Variants in TMEM178B observed in about 807,000 individuals in gnomAD.
The protein encoded by TMEM178B is transmembrane protein 178B.
In TMEM178B, 5 loss-of-function variants were observed where a neutral mutation model predicts 31.0. The ratio of observed to expected loss-of-function variants is 0.16; its 90% CI spans 0.08 to 0.34. The LOEUF is 0.34. TMEM178B is among the 10% of genes least tolerant of loss of function. The pLI is 1.00. For synonymous variants in TMEM178B, 164 were observed against 164.0 expected (o/e 1.00, Z 0.00); for missense variants, 275 against 400.3 (o/e 0.69, Z 2.67).
At chr7:141,342,406 G>T (rs762876131) in intron 2 of TMEM178B, among the ~76,000 whole-genome samples, 25 of 152,200 alleles carry the variant, frequency 1.6e-4, no homozygotes, top group Non-Finnish European at 3.4e-4. Flanking sequence ...TGTTAAAAAT[G>T]CATATTCAAA....
the TMEM178B span, among the ~76,000 whole-genome samples, chr7:141,508,978 G>A: frequency 6.6e-6 from 1 of 152,334 alleles, no homozygotes; most frequent in African/African-American, 2.4e-5. Flanking sequence ...TTAAGCTCGT[G>A]AGGTATTTTG....
At chr7:141,142,257 C>T (rs192076381) in intron 1 of TMEM178B, among the ~76,000 whole-genome samples, 102 of 136,470 alleles carry the variant, frequency 7.5e-4, no homozygotes, top group African/African-American at 3.0e-3. Context: ...CATAGTATTC[C>T]GTGGCATATA....
Position 141,320,750 on chromosome 7 carries a change from T to C in TMEM178B, c.496+108046T>C, listed in dbSNP as rs118160104. 2.7e-3 allele frequency among the ~76,000 whole-genome samples: 414 copies of C among 152,324 alleles called. 2 individuals are homozygous for C. Among genetic ancestry groups the C allele is most frequent in the Non-Finnish European group, 4.8e-3 (327 of 68,022 alleles). Reference sequence around the variant, plus strand: ...CCAAAAAATCCTATGATAGAGGTATTATCTGTAAAATGTCCCCATTTTACA... The same window carrying C: ...CCAAAAAATCCTATGATAGAGGTATCATCTGTAAAATGTCCCCATTTTACA... On this transcript the variant is annotated intron_variant, in intron 2 of 3. Transcript: ENST00000565468.
rs539947020 is a variant in TMEM178B, at chr7:141,288,467, C to A, written c.496+75763C>A. 6.3e-3 allele frequency among the ~76,000 whole-genome samples: 938 copies of A among 148,550 alleles called. 12 individuals carry two copies. Among genetic ancestry groups the A allele is most frequent in the African/African-American group, 0.023 (900 of 39,958 alleles). ...ACCTACAAAGATAAGCAGAGCATCC[C>A]TGTCCGGAAAAAAATGAAAAAAAAA... On this transcript the variant is annotated intron_variant, in intron 2 of 3. Coordinates refer to ENST00000565468, the MANE Select transcript of TMEM178B (RefSeq NM_001195278.2).
chr7:141,253,672 T>C, intron 2 of TMEM178B, among the ~76,000 whole-genome samples: 1 of 147,574 alleles, frequency 6.8e-6, no homozygotes, highest in East Asian at 2.1e-4. Context: ...TGTTTCAGCC[T>C]CCTAAGTAGC....
In TMEM178B at chr7:141,472,248, T is replaced by TATGATATTGTGTA. The variant is rs1802258078; in HGVS notation, c.*1464_*1476dup. The TATGATATTGTGTA allele has an allele frequency of 1.3e-5, 2 of 152,174 alleles. No individual in the cohort carries two copies. The highest frequency in any genetic ancestry group is 4.8e-5 in the African/African-American group (2 of 41,436). The allele number at this position is 152,174 out of a possible 1,614,324, so 9.4% of individuals were successfully genotyped here. A position where few individuals can be genotyped will look rare whatever the true frequency, so the allele number is the denominator to read the frequency against. Reference sequence around the variant, plus strand: ...TCCATTTCCCATGGGCTCAAGTTTGTATGATATTGTGTAAATTAATGCAGA... The same window carrying TATGATATTGTGTA: ...TCCATTTCCCATGGGCTCAAGTTTGTATGATATTGTGTAATGATATTGTGTAAATTAATGCAGA... On this transcript the variant is annotated 3_prime_UTR_variant, in exon 4 of 4. Coordinates refer to ENST00000565468, the MANE Select transcript of TMEM178B (RefSeq NM_001195278.2).
rs570732939 is a variant in TMEM178B, at chr7:141,254,169, AC to A, written c.496+41467del. Among the ~76,000 whole-genome samples, 17 of 152,328 alleles carry A rather than the reference AC, an allele frequency of 1.1e-4. No homozygotes were observed. In the South Asian group the frequency reaches 3.3e-3, roughly 30 times the overall value. On this transcript the variant is annotated intron_variant, in intron 2 of 3. Coordinates refer to ENST00000565468, the MANE Select transcript of TMEM178B (RefSeq NM_001195278.2). ...TGCTTTGTTTCCTAAGTGAGAAATAACCAGTTTCTCTCTTGTTTGATTGGCA... is the reference window on the plus strand; with the variant it reads ...TGCTTTGTTTCCTAAGTGAGAAATAACAGTTTCTCTCTTGTTTGATTGGCA...
At chr7:141,242,819 A>G (rs2129193797) in intron 2 of TMEM178B, among the ~76,000 whole-genome samples, 1 of 152,212 alleles carries the variant, frequency 6.6e-6, no homozygotes, top group Admixed American at 6.5e-5. Context: ...CGGGGGTTAC[A>G]GGCATGAGCC....
intron 2 of TMEM178B, among the ~76,000 whole-genome samples, chr7:141,240,159 T>C (rs574839215): frequency 6.6e-6 from 1 of 152,302 alleles, no homozygotes; most frequent in South Asian, 2.1e-4. Context: ...AGTAGCCATG[T>C]GTGGGTAGTG....
chr7:141,377,676 A>T (rs924968867), intron 2 of TMEM178B, among the ~76,000 whole-genome samples: 7 of 152,170 alleles, frequency 4.6e-5, no homozygotes, highest in African/African-American at 1.7e-4. Context: ...CCATCTTAAA[A>T]AAAGAAAAAA....
In TMEM178B at chr7:141,438,696, T is replaced by TAAAAAAAAA. The variant is rs869132131; in HGVS notation, c.634+973_634+981dup. Among the ~76,000 whole-genome samples the TAAAAAAAAA allele has an allele frequency of 5.9e-4, 17 of 29,002 alleles. 4 individuals carry two copies. The highest frequency in any genetic ancestry group is 9.0e-4 in the East Asian group (1 of 1,112). 19.0% of individuals were successfully genotyped at this position (29,002 alleles called of 152,430 possible). On this transcript the variant is annotated intron_variant, in intron 3 of 3. Transcript: ENST00000565468. ...CAGCTTGGTAAAACCCCGTCTCTAC[T>TAAAAAAAAA]AAAAAAAAAAAAAAAAAAAAAAAAA...
chr7:141,406,417 G>A (rs1262577291), intron 2 of TMEM178B, among the ~76,000 whole-genome samples: 1 of 152,180 alleles, frequency 6.6e-6, no homozygotes, highest in Non-Finnish European at 1.5e-5. Context: ...AGAGTTGGAT[G>A]TGAAATAAAA....
chr7:141,217,511 G>T lies in TMEM178B; in HGVS notation c.496+4807G>T, dbSNP rs183978582. On this transcript the variant is annotated intron_variant, in intron 2 of 3. Coordinates refer to ENST00000565468, the MANE Select transcript of TMEM178B (RefSeq NM_001195278.2). ...CCAGGTGAGGACCCCAGGGAGGCTGGCAGAGGGCACGGCAGCAGAGCCTGC... is the reference window on the plus strand; with the variant it reads ...CCAGGTGAGGACCCCAGGGAGGCTGTCAGAGGGCACGGCAGCAGAGCCTGC... Among the ~76,000 whole-genome samples, 891 of 152,344 alleles carry T rather than the reference G, an allele frequency of 5.8e-3. 6 individuals are homozygous for T. The highest frequency in any genetic ancestry group is 0.02 in the African/African-American group (838 of 41,576).
chr7:141,327,076 C>G (rs1289039075), intron 2 of TMEM178B, among the ~76,000 whole-genome samples: 1 of 152,166 alleles, frequency 6.6e-6, no homozygotes, highest in Admixed American at 6.5e-5. Flanking sequence ...ATTGTTCAAG[C>G]TGAGTGCTAT....
At chr7:141,210,918 G>A (rs568915397) in intron 1 of TMEM178B, among the ~76,000 whole-genome samples, 1 of 152,290 alleles carries the variant, frequency 6.6e-6, no homozygotes, top group Non-Finnish European at 1.5e-5. Flanking sequence ...CCAGCTGGAT[G>A]TCAGGAAGGC....
chr7:141,492,024 G>T, the TMEM178B span, among the ~76,000 whole-genome samples: 1 of 152,146 alleles, frequency 6.6e-6, no homozygotes, highest in East Asian at 1.9e-4. Flanking sequence ...GCCTGCTGTT[G>T]TACCAAGAAG....
At position 141,243,937 on chromosome 7, in the gene TMEM178B, A is replaced by G. The variant is rs574231479; in HGVS notation, c.496+31233A>G. Reference sequence around the variant, plus strand: ...ATACCCCTGTGTACCTGTGTCCTCCACAATGCCTGCCCTCATGACGGTCCA... The same window carrying G: ...ATACCCCTGTGTACCTGTGTCCTCCGCAATGCCTGCCCTCATGACGGTCCA... On this transcript the variant is annotated intron_variant, in intron 2 of 3. Transcript: ENST00000565468. 4.6e-5 allele frequency among the ~76,000 whole-genome samples: 7 copies of G among 152,296 alleles called. No individual in the cohort carries two copies. In the South Asian group the frequency reaches 1.2e-3, roughly 27 times the overall value.
intron 1 of TMEM178B, among the ~76,000 whole-genome samples, chr7:141,083,207 G>A (rs1256837933): frequency 6.6e-6 from 1 of 152,168 alleles, no homozygotes; most frequent in African/African-American, 2.4e-5. Flanking sequence ...ACAGAGAGAG[G>A]AGGAAGGGTG....
chr7:141,167,838 C>T (rs1259833313), intron 1 of TMEM178B, among the ~76,000 whole-genome samples: 15 of 152,304 alleles, frequency 9.8e-5, no homozygotes, highest in Middle Eastern at 3.4e-3. Context: ...GAAGCCTACC[C>T]GTTGTGCCCC....
Sources: gnomAD v4.1 joint callset for allele counts (sites outside exome capture counted in the v4.1 genomes callset) on GRCh38, gnomAD v4.1.1 for gene constraint, MANE v1.5 for transcripts, NCBI Gene and HGNC (gene_info 2026-07-23, HGNC 2026-07-21) for gene names.